The following ATRIP variants were observed in gnomAD, a reference collection of about 807,000 sequenced individuals.
The protein encoded by ATRIP is ATR-interacting protein.
A neutral mutation model predicts 78.1 loss-of-function variants in ATRIP; 44 were observed. That is an observed-to-expected ratio of 0.56 (90% CI 0.44 to 0.72). The LOEUF is 0.72. Among genes scored for constraint, ATRIP ranks in the 30% least tolerant of loss-of-function variants. The probability of loss-of-function intolerance (pLI) is 0.00; values close to 1 mark genes in which losing one functional copy is unlikely to be tolerated. For missense variants in ATRIP, 927 were observed against 980.2 expected (o/e 0.95, Z 0.72); for synonymous variants, 388 against 408.9 (o/e 0.95, Z 0.62).
In ATRIP at chr3:48,467,242, C is replaced by G; in HGVS notation, c.*1688C>G. 6.2e-7 allele frequency: 1 copy of G among 1,614,118 alleles called. No homozygotes were observed. The highest frequency in any genetic ancestry group is 1.3e-5 in the African/African-American group (1 of 75,068). ...GGGCAGTCCCCTCCAGACTCGCACACGGCTGAGGGTGATGTCCTGGCCCTG... is the reference window on the plus strand; with the variant it reads ...GGGCAGTCCCCTCCAGACTCGCACAGGGCTGAGGGTGATGTCCTGGCCCTG... On this transcript the variant is annotated 3_prime_UTR_variant, in exon 13 of 13. Transcript: ENST00000320211.
chr3:48,450,517 T>C, intron 2 of ATRIP: 1 of 1,291,900 alleles, frequency 7.7e-7, no homozygotes, highest in Non-Finnish European at 1.0e-6. Context: ...AGACACTTCA[T>C]ATCACCATCT....
chr3:48,447,544 T>G, intron 1 of ATRIP: 1 of 986,484 alleles, frequency 1.0e-6, no homozygotes, highest in Non-Finnish European at 1.2e-6. Context: ...AATAAATTTA[T>G]TCTTTTATAC....
intron 1 of ATRIP, among the ~76,000 whole-genome samples, chr3:48,449,448 T>C (rs1259097651): frequency 6.8e-6 from 1 of 147,690 alleles, no homozygotes; most frequent in African/African-American, 2.6e-5. Flanking sequence ...GGATCATTTA[T>C]GAGTTTGAAC....
chr3:48,449,914 G>T, intron 1 of ATRIP, 123 bp from the exon 2 acceptor site: 1 of 1,082,602 alleles, frequency 9.2e-7, no homozygotes, highest in Non-Finnish European at 1.3e-6. Context: ...CTCCAACCTG[G>T]GTAACAGAGC....
chr3:48,461,966 A>G (rs943542481), intron 8 of ATRIP, among the ~76,000 whole-genome samples: 9 of 152,110 alleles, frequency 5.9e-5, no homozygotes, highest in Non-Finnish European at 1.2e-4. Flanking sequence ...TTGGCCTGCC[A>G]AAGTGCAAGG....
At chr3:48,459,270 C>A in intron 5 of ATRIP, 89 bp from the exon 6 acceptor site, 4 of 1,064,976 alleles carry the variant, frequency 3.8e-6, no homozygotes, top group Non-Finnish European at 4.3e-6. Context: ...AGTAGAACAG[C>A]GTGTGTTTTA....
rs1277255849 is a variant in ATRIP, at chr3:48,460,261, G to A, written c.1207G>A (p.Gly403Arg). 2 of 1,614,110 alleles carry A rather than the reference G, an allele frequency of 1.2e-6. No homozygotes were observed. Among genetic ancestry groups the A allele is most frequent in the Admixed American group, 3.3e-5 (2 of 60,018 alleles). The change falls in exon 8 of 13, where the codon GGA becomes AGA. Residue 403 changes from glycine to arginine, a missense_variant. Transcript: ENST00000320211. The part of the protein sequence containing the change: ...ECSRDGDPAE[G>R]GRRAFPLCQL... Reference sequence around the variant, plus strand: ...CTCACGTGATGGAGACCCAGCAGAGGGAGGCAGAAGGGCCTTCCCACTCTG... The same window carrying A: ...CTCACGTGATGGAGACCCAGCAGAGAGAGGCAGAAGGGCCTTCCCACTCTG...
At chr3:48,463,110 C>G (rs926982708) in intron 8 of ATRIP, among the ~76,000 whole-genome samples, 3 of 152,200 alleles carry the variant, frequency 2.0e-5, no homozygotes, top group African/African-American at 4.8e-5. Context: ...CATCGTGCTC[C>G]CCCAGGCTAT....
At chr3:48,461,434 C>G (rs1234439949) in intron 8 of ATRIP, 1 of 152,336 alleles carries the variant, frequency 6.6e-6, no homozygotes, top group Non-Finnish European at 1.5e-5. Flanking sequence ...TCCCTCAGCA[C>G]TCTACCAAAG....
At position 48,458,337 on chromosome 3, in the gene ATRIP, T is replaced by A. The variant is rs1323887716; in HGVS notation, c.829+921T>A. ...TTTCTTTTCTTGTTTTTTTTTTTTT[T>A]CTTTGAGGCGGAGTCTCACTCTGTC... is the stretch of plus-strand genomic sequence containing the variant. On this transcript the variant is annotated intron_variant, in intron 5 of 12. Transcript: ENST00000320211. Among the ~76,000 whole-genome samples the A allele has an allele frequency of 1.2e-3, 169 of 136,072 alleles. 1 individual carries two copies. Among genetic ancestry groups the A allele is most frequent in the African/African-American group, 4.4e-3 (161 of 36,646 alleles). The allele number at this position is 136,072 out of a possible 152,430, so 89.3% of individuals were successfully genotyped here. A position where few individuals can be genotyped will look rare whatever the true frequency, so the allele number is the denominator to read the frequency against.
intron 5 of ATRIP, among the ~76,000 whole-genome samples, chr3:48,457,698 G>A (rs548710222): frequency 6.6e-6 from 1 of 152,252 alleles, no homozygotes; most frequent in African/African-American, 2.4e-5. Flanking sequence ...TTCCTCTAAA[G>A]CTAGCAAATC....
intron 7 of ATRIP, 47 bp downstream of exon 7, chr3:48,459,963 G>T: frequency 1.3e-6 from 2 of 1,580,920 alleles, no homozygotes; most frequent in Admixed American, 2.0e-5. Flanking sequence ...GAGCTTCCTG[G>T]AAGCAAATTC....
At chr3:48,450,237 G>A (rs917740843) in intron 2 of ATRIP, 67 bp downstream of exon 2, 2 of 1,523,370 alleles carry the variant, frequency 1.3e-6, no homozygotes, top group African/African-American at 2.8e-5. Flanking sequence ...GCATTGTACA[G>A]TAAAATATAC....
At position 48,466,974 on chromosome 3, in the gene ATRIP, C is replaced by A; in HGVS notation, c.*1420C>A. ...ATGTTTTGATGACAACCTGGCCAAC[C>A]TGCTCCTAGCCTTCCTGCGGCGCCA... On this transcript the variant is annotated 3_prime_UTR_variant, in exon 13 of 13. Coordinates refer to ENST00000320211, the MANE Select transcript of ATRIP (RefSeq NM_130384.3). 1.2e-6 allele frequency: 2 copies of A among 1,612,812 alleles called. No individual in the cohort carries two copies. The highest frequency in any genetic ancestry group is 1.7e-6 in the Non-Finnish European group (2 of 1,180,036).
In ATRIP at chr3:48,446,775, G is replaced by GT; in HGVS notation, c.-70dup. On this transcript the variant is annotated 5_prime_UTR_variant, in exon 1 of 13. Transcript: ENST00000320211. ...GCAAGCGGCGGCGCGCGGACGGTTGGTCCAGTTCTCCGGCCTGGCGGCAGG... is the reference window on the plus strand; with the variant it reads ...GCAAGCGGCGGCGCGCGGACGGTTGGTTCCAGTTCTCCGGCCTGGCGGCAGG... 7.4e-7 allele frequency: 1 copy of GT among 1,348,232 alleles called. No homozygotes were observed. Among genetic ancestry groups the GT allele is most frequent in the Non-Finnish European group, 9.5e-7 (1 of 1,048,592 alleles). The allele number at this position is 1,348,232 out of a possible 1,614,324, so 83.5% of individuals were successfully genotyped here.
chr3:48,463,921 G>C (rs1376561596), intron 9 of ATRIP, 40 bp downstream of exon 9: 1 of 1,610,706 alleles, frequency 6.2e-7, no homozygotes, highest in East Asian at 2.2e-5. Flanking sequence ...TGCTCCTGCA[G>C]ATCAAGGGAA....
In ATRIP at chr3:48,457,283, T is replaced by C; in HGVS notation, c.696T>C (p.Val232=). The C allele has an allele frequency of 1.9e-6, 3 of 1,593,824 alleles. No homozygotes were observed. Among genetic ancestry groups the C allele is most frequent in the Non-Finnish European group, 2.6e-6 (3 of 1,171,720 alleles). ...HVSPRKNPSV[V]IKPEACSPQF... is the part of the protein sequence containing the mutation. ...GTCCTAGGAAAAACCCTTCTGTGGT[T>C]ATAAAGCCAGAAGCATGTTCTCCAC... is the stretch of plus-strand genomic sequence containing the variant. The change falls in exon 5 of 13, where the codon GTT becomes GTC. Residue 232 remains valine (V), a synonymous_variant. Coordinates refer to ENST00000320211, the MANE Select transcript of ATRIP (RefSeq NM_130384.3).
At chr3:48,462,294 A>G (rs1487567473) in intron 8 of ATRIP, among the ~76,000 whole-genome samples, 2 of 150,398 alleles carry the variant, frequency 1.3e-5, no homozygotes, top group Non-Finnish European at 2.9e-5. Context: ...TACTGGTGGT[A>G]GACACACCAT....
chr3:48,456,460 G>T (rs1481088215), intron 4 of ATRIP, among the ~76,000 whole-genome samples: 1 of 151,952 alleles, frequency 6.6e-6, no homozygotes, highest in Non-Finnish European at 1.5e-5. Context: ...GCCAGATGTG[G>T]TGGTTGCACA....
Sources: gnomAD v4.1 joint callset for allele counts (sites outside exome capture counted in the v4.1 genomes callset) on GRCh38, gnomAD v4.1.1 for gene constraint, MANE v1.5 for transcripts, NCBI Gene and HGNC (gene_info 2026-07-23, HGNC 2026-07-21) for gene names.